The following ZNF407 variants were observed in gnomAD, a reference collection of about 807,000 sequenced individuals.
The protein encoded by ZNF407 is zinc finger protein 407.
In ZNF407, 17 loss-of-function variants were observed where a neutral mutation model predicts 131.2. That is an observed-to-expected ratio of 0.13 (90% CI 0.09 to 0.19). The LOEUF is 0.19. Ranked by LOEUF, ZNF407 falls within the 10% of genes least tolerant of loss-of-function variation. The pLI is 1.00. For missense variants in ZNF407, 2,681 were observed against 2,830.6 expected (o/e 0.95, Z 1.20); for synonymous variants, 1,156 against 1,062.0 (o/e 1.09, Z -1.72).
Position 74,758,201 on chromosome 18 carries a change from C to CT in ZNF407, c.4803-23221dup, listed in dbSNP as rs1287649238. Among the ~76,000 whole-genome samples, 11 of 151,802 alleles carry CT rather than the reference C, an allele frequency of 7.2e-5. No homozygotes were observed. In the East Asian group the frequency reaches 1.4e-3, roughly 19 times the overall value. ...TGTGTTTTTCTACATGTCTTTATGC[C>CT]TTTTTTGTTATGGTATTTTACTGTT... On this transcript the variant is annotated intron_variant, in intron 3 of 8. Transcript: ENST00000299687.
intron 1 of ZNF407, among the ~76,000 whole-genome samples, chr18:74,607,165 A>C (rs1240729663): frequency 1.3e-5 from 2 of 152,296 alleles, no homozygotes; most frequent in East Asian, 3.9e-4. Flanking sequence ...GTGGTTCTCA[A>C]TCCTAATGTG....
chr18:74,912,276 G>A (rs1971684643), intron 7 of ZNF407, among the ~76,000 whole-genome samples: 1 of 152,076 alleles, frequency 6.6e-6, no homozygotes, highest in African/African-American at 2.4e-5. Flanking sequence ...CTCTAGTACT[G>A]TAGTTAACTC....
intron 8 of ZNF407, among the ~76,000 whole-genome samples, chr18:75,010,107 C>A (rs1972956342): frequency 6.6e-6 from 1 of 152,164 alleles, no homozygotes; most frequent in Admixed American, 6.5e-5. Context: ...AGCCATTGTC[C>A]TGAAAATCAC....
In ZNF407 at chr18:74,889,982, G is replaced by A. The variant is rs763495277; in HGVS notation, c.5193G>A (p.Arg1731=). 6.2e-7 allele frequency: 1 copy of A among 1,606,288 alleles called. No homozygotes were observed. The highest frequency in any genetic ancestry group is 1.7e-5 in the Admixed American group (1 of 59,044). Residue 1731 remains arginine, a synonymous_variant, in exon 7 of 9, where the codon CGG becomes CGA. Coordinates refer to ENST00000299687, the MANE Select transcript of ZNF407 (RefSeq NM_017757.3). The part of the protein sequence containing the change: ...FASTTQSHLT[R]HKRVHTGEKP... ...CCACAACTCAGTCCCATTTGACTCG[G>A]CATAAACGTGTCCACACTGGAGAAA...
chr18:74,732,676 T>C (rs1410583861), intron 3 of ZNF407, among the ~76,000 whole-genome samples: 1 of 152,214 alleles, frequency 6.6e-6, no homozygotes, highest in African/African-American at 2.4e-5. Context: ...TTTTCTTTTA[T>C]TGATACCTAA....
At position 74,877,284 on chromosome 18, in the gene ZNF407, G is replaced by A. The variant is rs767992686; in HGVS notation, c.4965G>A (p.Pro1655=). ...NHMKLHTGEK[P]FKCTWPTCHY... ...TGAAACTCCACACGGGAGAAAAGCC[G>A]TTTAAATGTACCTGGCCCACGTGCC... Residue 1655 remains proline (P), a synonymous_variant, in exon 5 of 9, where the codon CCG becomes CCA. Coordinates refer to ENST00000299687, the MANE Select transcript of ZNF407 (RefSeq NM_017757.3). 8.7e-6 allele frequency: 14 copies of A among 1,613,980 alleles called. No individual in the cohort carries two copies. The highest frequency in any genetic ancestry group is 4.5e-5 in the East Asian group (2 of 44,886).
At chr18:74,990,289 T>C (rs1464661326) in intron 8 of ZNF407, among the ~76,000 whole-genome samples, 1 of 152,182 alleles carries the variant, frequency 6.6e-6, no homozygotes, top group East Asian at 1.9e-4. Flanking sequence ...TAACTTACCC[T>C]AGCTCAACCA....
chr18:74,800,984 G>A (rs2145069503), intron 4 of ZNF407, among the ~76,000 whole-genome samples: 1 of 152,016 alleles, frequency 6.6e-6, no homozygotes, highest in African/African-American at 2.4e-5. Context: ...TCTATAAAAT[G>A]TTTCAAAGAG....
At chr18:74,964,861 C>G (rs1972392517) in intron 8 of ZNF407, among the ~76,000 whole-genome samples, 2 of 152,082 alleles carry the variant, frequency 1.3e-5, no homozygotes, top group South Asian at 4.2e-4. Context: ...TGCTCCCTAC[C>G]CTCCCTTTAG....
chr18:74,952,232 A>T (rs1972222560), intron 8 of ZNF407, among the ~76,000 whole-genome samples: 1 of 152,232 alleles, frequency 6.6e-6, no homozygotes, highest in African/African-American at 2.4e-5. Context: ...CCTCAAATTT[A>T]TGATACTCTC....
At chr18:74,618,742 C>T (rs1983411132) in intron 1 of ZNF407, among the ~76,000 whole-genome samples, 1 of 152,148 alleles carries the variant, frequency 6.6e-6, no homozygotes, top group Non-Finnish European at 1.5e-5. Context: ...AGATTACCTA[C>T]AATTTCACCA....
intron 3 of ZNF407, among the ~76,000 whole-genome samples, chr18:74,749,584 G>C (rs1968751855): frequency 6.6e-6 from 1 of 152,182 alleles, no homozygotes; most frequent in Admixed American, 6.5e-5. Context: ...GAAAGAAAAA[G>C]AGGAATGCAG....
At chr18:75,026,911 C>T (rs1474419399) in intron 8 of ZNF407, among the ~76,000 whole-genome samples, 1 of 152,136 alleles carries the variant, frequency 6.6e-6, no homozygotes, top group Non-Finnish European at 1.5e-5. Flanking sequence ...GGTGTCAGTC[C>T]CTGTGTGAAG....
intron 8 of ZNF407, among the ~76,000 whole-genome samples, chr18:75,035,344 T>A (rs1411693886): frequency 1.3e-5 from 2 of 152,182 alleles, no homozygotes; most frequent in Admixed American, 6.5e-5. Context: ...CCTGTTAGAG[T>A]CCAGAAATGA....
intron 6 of ZNF407, among the ~76,000 whole-genome samples, chr18:74,889,251 C>T (rs1187345233): frequency 1.3e-5 from 2 of 150,606 alleles, no homozygotes; most frequent in Non-Finnish European, 2.9e-5. Context: ...GAACCTGTCC[C>T]TGCCATTAAG....
intron 4 of ZNF407, among the ~76,000 whole-genome samples, chr18:74,843,053 A>G (rs899405976): frequency 3.3e-5 from 5 of 152,256 alleles, no homozygotes; most frequent in African/African-American, 7.2e-5. Context: ...CATGGGCTCT[A>G]TAGATATAAG....
intron 5 of ZNF407, among the ~76,000 whole-genome samples, chr18:74,879,274 A>G (rs1182373584): frequency 6.6e-6 from 1 of 152,152 alleles, no homozygotes; most frequent in Non-Finnish European, 1.5e-5. Flanking sequence ...CAGAAGTCCT[A>G]AGATTGCTCT....
intron 3 of ZNF407, among the ~76,000 whole-genome samples, chr18:74,691,757 A>AT (rs1967228919): frequency 6.6e-6 from 1 of 151,918 alleles, no homozygotes; most frequent in South Asian, 2.1e-4. Context: ...GGGTGTTGTG[A>AT]TTTTTTATTG....
Position 75,055,991 on chromosome 18 carries a change from T to C in ZNF407, c.5429-7159T>C, listed in dbSNP as rs563730641. 2.0e-5 allele frequency among the ~76,000 whole-genome samples: 3 copies of C among 152,348 alleles called. No individual in the cohort carries two copies. The South Asian group carries it at 6.2e-4, about 32-fold the overall frequency. On this transcript the variant is annotated intron_variant, in intron 8 of 8. Coordinates refer to ENST00000299687, the MANE Select transcript of ZNF407 (RefSeq NM_017757.3). ...AAAGCAATTTCCCCATCTCTTCTTA[T>C]AAAACAGCAGCGTCATGAAATGCGG... is the stretch of plus-strand genomic sequence containing the variant.
Sources: gnomAD v4.1 joint callset for allele counts (sites outside exome capture counted in the v4.1 genomes callset) on GRCh38, gnomAD v4.1.1 for gene constraint, MANE v1.5 for transcripts, NCBI Gene and HGNC (gene_info 2026-07-23, HGNC 2026-07-21) for gene names.